COL5A3: variants seen among roughly 807,000 people sequenced by gnomAD.
The protein encoded by COL5A3 is collagen type V alpha 3 chain.
A neutral mutation model predicts 250.0 loss-of-function variants in COL5A3; 172 were observed. The observed-to-expected ratio is 0.69, with a 90% CI of 0.61 to 0.78. COL5A3 has a LOEUF of 0.78. Ranked by LOEUF, COL5A3 falls within the 30% of genes least tolerant of loss-of-function variation. The pLI is 0.00. For missense variants in COL5A3, 2,340 were observed against 2,334.4 expected (o/e 1.00, Z -0.05); for synonymous variants, 937 against 900.4 (o/e 1.04, Z -0.73).
rs1555741158 is a variant in COL5A3, at chr19:9,999,471, T to TTTC, written c.1111-1323_1111-1322insGAA. On this transcript the variant is annotated intron_variant, in intron 8 of 66. Coordinates refer to ENST00000264828, the MANE Select transcript of COL5A3 (RefSeq NM_015719.4). ...TTTCTTTTCTTTTTTTCTTTTTTCT[T>TTTC]TTTTTTTTTTTTTTGAGACAGAGTC... 1.3e-3 allele frequency among the ~76,000 whole-genome samples: 146 copies of TTTC among 114,862 alleles called. 3 individuals are homozygous for TTTC. The highest frequency in any genetic ancestry group is 4.5e-3 in the African/African-American group (139 of 31,130). The allele number at this position is 114,862 out of a possible 152,430, so 75.4% of individuals were successfully genotyped here.
At position 9,968,100 on chromosome 19, in the gene COL5A3, C is replaced by G. The variant is rs748900003; in HGVS notation, c.4315-21G>C. On this transcript the variant is annotated intron_variant, in intron 59 of 66. Transcript: ENST00000264828. The surrounding 1 kb of genome is among the most constrained non-coding windows in gnomAD (Gnocchi z 4.1). ...GGACCCTAGGAAAAGGACATCGGGT[C>G]AGTATTGGTGGGGTACACCCTATTG... is the stretch of plus-strand genomic sequence containing the variant. 1 of 1,585,486 alleles carries G rather than the reference C, an allele frequency of 6.3e-7. No homozygotes were observed. Among genetic ancestry groups the G allele is most frequent in the East Asian group, 2.2e-5 (1 of 44,448 alleles).
intron 65 of COL5A3, among the ~76,000 whole-genome samples, chr19:9,961,325 T>C (rs1299737469): frequency 1.3e-5 from 2 of 152,094 alleles, no homozygotes; most frequent in Non-Finnish European, 2.9e-5. Context: ...ATGTGGCTGA[T>C]TTGAAGGAGG....
In COL5A3 at chr19:9,966,887, TAGAG is replaced by T. The variant is rs1394166325; in HGVS notation, c.4459-145_4459-142del. On this transcript the variant is annotated intron_variant, in intron 62 of 66. Transcript: ENST00000264828. ...GAGAGAGATAAACAAGGGGCAGAGATAGAGAAAGGAGAGATAAGCAGACAGGGAG... is the reference window on the plus strand; with the variant it reads ...GAGAGAGATAAACAAGGGGCAGAGATAAAGGAGAGATAAGCAGACAGGGAG... 8.6e-5 allele frequency: 57 copies of T among 663,584 alleles called. No homozygotes were observed. The East Asian group carries it at 1.4e-3, about 16-fold the overall frequency. 41.1% of individuals were successfully genotyped at this position (663,584 alleles called of 1,614,324 possible).
Position 9,966,420 on chromosome 19 carries a change from T to A in COL5A3, c.4676A>T (p.Tyr1559Phe), listed in dbSNP as rs1363903639. ...RNHPHLPDGE[Y>F]WIDPNQGCAR... The stretch of plus-strand genomic sequence containing the variant: ...GCAGCCCTGGTTGGGGTCAATCCAG[T>A]ATTCCCCTGCCGCAGAGCCAGGCAG... The change falls in exon 64 of 67, where the codon TAC becomes TTC. Residue 1559 changes from tyrosine to phenylalanine, a missense_variant. Physicochemically the swap from Tyr to Phe is conservative, Grantham distance 22 (BLOSUM62 3). Around this residue, in one of 3 missense-constraint regions of COL5A3, gnomAD observed 1,179 missense variants for 1,162.6 expected, o/e 1.01. Coordinates refer to ENST00000264828, the MANE Select transcript of COL5A3 (RefSeq NM_015719.4). 1.9e-6 allele frequency: 3 copies of A among 1,597,290 alleles called. No homozygotes were observed. Among genetic ancestry groups the A allele is most frequent in the Non-Finnish European group, 2.6e-6 (3 of 1,169,500 alleles).
intron 24 of COL5A3, among the ~76,000 whole-genome samples, chr19:9,990,421 A>G (rs1568423615): frequency 6.6e-6 from 1 of 151,542 alleles, no homozygotes. Flanking sequence ...AAAATAGTAT[A>G]ACTGGATTGT....
At chr19:9,995,732 C>G (rs1397243639) in intron 15 of COL5A3, 115 bp from the exon 16 acceptor site, 9 of 768,424 alleles carry the variant, frequency 1.2e-5, no homozygotes, top group Non-Finnish European at 1.8e-5. Context: ...GGCCAGACAC[C>G]TGGGCTCAAG....
intron 27 of COL5A3, 103 bp downstream of exon 27, chr19:9,989,021 A>C (rs757732290): frequency 3.2e-6 from 4 of 1,262,524 alleles, no homozygotes; most frequent in Non-Finnish European, 4.6e-6. Flanking sequence ...GGCCTGGCCA[A>C]CTGATTCCCC....
intron 50 of COL5A3, 68 bp downstream of exon 50, chr19:9,973,502 G>A (rs1442907311): frequency 1.3e-6 from 2 of 1,504,428 alleles, no homozygotes; most frequent in African/African-American, 1.4e-5. Context: ...GGTCAAAGTG[G>A]CCCAAGATGC....
chr19:10,003,737 G>T (rs1370256454), intron 5 of COL5A3, 23 bp from the exon 6 acceptor site: 2 of 1,613,308 alleles, frequency 1.2e-6, no homozygotes, highest in African/African-American at 2.7e-5. Context: ...TTCCAGTCAG[G>T]TCTAGAGCAT....
chr19:10,004,481 C>T (rs957121041), intron 4 of COL5A3, among the ~76,000 whole-genome samples: 4 of 152,210 alleles, frequency 2.6e-5, no homozygotes, highest in Non-Finnish European at 5.9e-5. Context: ...CAGGCGTGTG[C>T]CACCACGCCC....
chr19:9,977,798 G>A (rs373051982), intron 41 of COL5A3, 97 bp from the exon 42 acceptor site: 89 of 990,876 alleles, frequency 9.0e-5, no homozygotes, highest in Middle Eastern at 6.8e-4. Context: ...GAGGTTACCA[G>A]GATTGTATCT....
rs1491583754 is a variant in COL5A3, at chr19:9,998,257, C to CAT, written c.1111-109_1111-108insAT. ...GCACACACACACACACACACACACA[C>CAT]GGAGTCCACCCTCAGAGCCCCTTCT... On this transcript the variant is annotated intron_variant, in intron 8 of 66. Transcript: ENST00000264828. The CAT allele has an allele frequency of 1.6e-5, 16 of 1,011,140 alleles. No individual in the cohort carries two copies. The East Asian group carries it at 3.9e-4, about 25-fold the overall frequency. 62.6% of individuals were successfully genotyped at this position (1,011,140 alleles called of 1,614,324 possible). A position where few individuals can be genotyped will look rare whatever the true frequency, so the allele number is the denominator to read the frequency against.
At chr19:9,996,712 G>C in intron 11 of COL5A3, 23 bp from the exon 12 acceptor site, 1 of 1,583,106 alleles carries the variant, frequency 6.3e-7, no homozygotes, top group African/African-American at 1.4e-5. Flanking sequence ...TGGGGGAAGA[G>C]AGGTGGAGAC....
chr19:9,996,994 C>A, intron 11 of COL5A3: 4 of 515,450 alleles, frequency 7.8e-6, no homozygotes, highest in South Asian at 2.6e-5. Context: ...GACAGAAAAG[C>A]CAGTGAAAGA....
rs553520272 is a variant in COL5A3 at position 10,009,080 on chromosome 19, G to A, written c.88+1218C>T. 1.9e-4 allele frequency among the ~76,000 whole-genome samples: 29 copies of A among 152,024 alleles called. No homozygotes were observed. The highest frequency in any genetic ancestry group is 3.8e-4 in the Non-Finnish European group (26 of 68,004). ...TCCATGACCATGTGGATGTGTGAGC[G>A]TGGGAATGCGGCATAGTCCAATCAG... is the stretch of plus-strand genomic sequence containing the variant. On this transcript the variant is annotated intron_variant, in intron 1 of 66. Transcript: ENST00000264828. The surrounding 1 kb of genome is among the most constrained non-coding windows in gnomAD (Gnocchi z 4.4).
intron 61 of COL5A3, 160 bp downstream of exon 61, chr19:9,967,744 G>T: frequency 1.5e-6 from 1 of 683,460 alleles, no homozygotes; most frequent in African/African-American, 1.8e-5. Flanking sequence ...TGGCATTTTG[G>T]ATCTGATGAA....
chr19:10,003,289 T>C (rs576151766), intron 6 of COL5A3, among the ~76,000 whole-genome samples: 1 of 152,230 alleles, frequency 6.6e-6, no homozygotes, highest in African/African-American at 2.4e-5. Flanking sequence ...CCCCTCCCTC[T>C]AGTGCCCCAG....
chr19:9,991,493 G>T, intron 24 of COL5A3, 117 bp downstream of exon 24: 1 of 825,538 alleles, frequency 1.2e-6, no homozygotes. Flanking sequence ...CTTAGGGAAT[G>T]TTGCAGTCTA....
chr19:10,005,533 GT>G (rs766194218), intron 4 of COL5A3, 24 bp downstream of exon 4: 48 of 1,612,320 alleles, frequency 3.0e-5, no homozygotes, highest in Non-Finnish European at 4.1e-5. Flanking sequence ...CTCTGCCTCA[GT>G]TTCCCCCATC....
Sources: allele counts gnomAD v4.1 joint callset (sites outside exome capture counted in the v4.1 genomes callset), GRCh38; gene constraint gnomAD v4.1.1; regional missense constraint gnomAD v4.1.1; non-coding constraint Gnocchi (gnomAD v3.1); transcripts MANE v1.5; gene names NCBI Gene and HGNC (gene_info 2026-07-23, HGNC 2026-07-21).